BTBD10: variants seen among roughly 807,000 people sequenced by gnomAD.
BTBD10 encodes the protein BTB domain containing 10, also known as BTB/POZ domain-containing protein 10.
BTBD10 carries 21 observed loss-of-function variants against 53.2 expected under a neutral mutation model. The ratio of observed to expected loss-of-function variants is 0.39; its 90% CI spans 0.28 to 0.57. The LOEUF (loss-of-function observed/expected upper bound fraction) is 0.57. Ranked by LOEUF, BTBD10 falls within the 20% of genes least tolerant of loss-of-function variation. BTBD10 has a pLI of 0.53. For synonymous variants in BTBD10, 149 were observed against 192.7 expected, an observed-to-expected ratio of 0.77 and a Z score of 1.88; for missense variants, 360 against 594.7, an observed-to-expected ratio of 0.61 and a Z score of 4.10.
intron 6 of BTBD10, among the ~76,000 whole-genome samples, chr11:13,410,749 A>AT (rs931308324): frequency 6.6e-6 from 1 of 152,250 alleles, no homozygotes; most frequent in African/African-American, 2.4e-5. Flanking sequence ...CAGTAACTTT[A>AT]TTATAAGTTA....
chr11:13,400,216 ATTTG>A (rs1180529183), intron 8 of BTBD10, among the ~76,000 whole-genome samples: 1 of 152,176 alleles, frequency 6.6e-6, no homozygotes, highest in East Asian at 1.9e-4. Context: ...TTCCAGGCCG[ATTTG>A]TTTACCTACT....
At chr11:13,417,288 G>A (rs377624520) in intron 4 of BTBD10, 28 bp from the exon 5 acceptor site, 16 of 1,484,872 alleles carry the variant, frequency 1.1e-5, no homozygotes, top group African/African-American at 8.3e-5. Context: ...TGAGAAATAC[G>A]TCAATAGAAT....
chr11:13,427,134 T>C (rs574570690), intron 2 of BTBD10, among the ~76,000 whole-genome samples: 2 of 152,230 alleles, frequency 1.3e-5, no homozygotes, highest in Non-Finnish European at 2.9e-5. Flanking sequence ...GGAGGATCAC[T>C]TGAGCCTCGG....
intron 1 of BTBD10, among the ~76,000 whole-genome samples, chr11:13,447,970 T>C (rs913212344): frequency 4.6e-5 from 7 of 152,204 alleles, no homozygotes; most frequent in African/African-American, 1.7e-4. Context: ...AGCTAAGTTA[T>C]AACTGTAAAT....
chr11:13,427,346 A>C (rs2133986164), intron 2 of BTBD10, among the ~76,000 whole-genome samples: 1 of 152,346 alleles, frequency 6.6e-6, no homozygotes, highest in South Asian at 2.1e-4. Context: ...TGGCTATATT[A>C]ATATCAGACA....
At chr11:13,440,264 C>A (rs1565264323) in intron 2 of BTBD10, 1 of 1,221,526 alleles carries the variant, frequency 8.2e-7, no homozygotes, top group African/African-American at 1.6e-5. Context: ...ACGTTTCTAA[C>A]AAAACAGCAT....
chr11:13,423,107 T>C (rs1329579076), intron 2 of BTBD10, among the ~76,000 whole-genome samples: 1 of 152,110 alleles, frequency 6.6e-6, no homozygotes, highest in Non-Finnish European at 1.5e-5. Flanking sequence ...GTCCAGGCCC[T>C]GACAAATAGA....
At chr11:13,440,009 T>C in intron 2 of BTBD10, 1 of 1,534,414 alleles carries the variant, frequency 6.5e-7, no homozygotes, top group Non-Finnish European at 8.7e-7. Flanking sequence ...CCTTGGGCAT[T>C]ACTAGGAAAC....
chr11:13,413,405 C>A, intron 6 of BTBD10, 125 bp downstream of exon 6: 5 of 745,672 alleles, frequency 6.7e-6, no homozygotes, highest in Non-Finnish European at 5.8e-6. Context: ...CTTTGTGGTA[C>A]TAGAATGCTT....
intron 8 of BTBD10, among the ~76,000 whole-genome samples, chr11:13,390,986 C>T (rs1395775897): frequency 6.6e-6 from 1 of 152,206 alleles, no homozygotes; most frequent in Non-Finnish European, 1.5e-5. Flanking sequence ...TTCCCTTGTC[C>T]TTGATTCCTC....
At chr11:13,453,400 T>G (rs1950903456) in intron 1 of BTBD10, among the ~76,000 whole-genome samples, 1 of 152,198 alleles carries the variant, frequency 6.6e-6, no homozygotes. Flanking sequence ...TAGTTGCCTC[T>G]GAGAAAATGC....
At chr11:13,410,995 G>A (rs1036168192) in intron 6 of BTBD10, among the ~76,000 whole-genome samples, 2 of 152,080 alleles carry the variant, frequency 1.3e-5, no homozygotes, top group South Asian at 2.1e-4. Context: ...GTTTTTGAAC[G>A]TCTAGAATAG....
At chr11:13,412,262 T>C (rs1327414135) in intron 6 of BTBD10, among the ~76,000 whole-genome samples, 1 of 152,120 alleles carries the variant, frequency 6.6e-6, no homozygotes, top group Non-Finnish European at 1.5e-5. Context: ...AAGACCAACC[T>C]GGCCAACATA....
chr11:13,414,019 CA>C (rs1017915949), intron 5 of BTBD10, among the ~76,000 whole-genome samples: 1 of 152,106 alleles, frequency 6.6e-6, no homozygotes, highest in African/African-American at 2.4e-5. Flanking sequence ...AAGTTTTAAA[CA>C]TTTTTTTAAA....
At chr11:13,394,750 T>C (rs1949496578) in intron 8 of BTBD10, among the ~76,000 whole-genome samples, 1 of 147,928 alleles carries the variant, frequency 6.8e-6, no homozygotes, top group African/African-American at 2.5e-5. Context: ...TGTGTCCATG[T>C]GTTCTCATTG....
At chr11:13,438,316 T>C (rs1353745744) in intron 2 of BTBD10, among the ~76,000 whole-genome samples, 1 of 152,118 alleles carries the variant, frequency 6.6e-6, no homozygotes. Flanking sequence ...AAGGGTTCAC[T>C]GTGTAATCAC....
intron 5 of BTBD10, 66 bp from the exon 6 acceptor site, chr11:13,413,716 AAGGAAGGGCTGGT>A: frequency 6.9e-7 from 1 of 1,444,198 alleles, no homozygotes; most frequent in South Asian, 1.4e-5. Flanking sequence ...ACTTATTATT[AAGGAAGGGCTGGT>A]AACATTTTCA....
chr11:13,406,560 T>TGTGAGAGA (rs1483299112), intron 6 of BTBD10, among the ~76,000 whole-genome samples: 4 of 141,394 alleles, frequency 2.8e-5, no homozygotes, highest in African/African-American at 1.1e-4. Flanking sequence ...TACGCATGAG[T>TGTGAGAGA]GAGAGAGAGA....
At chr11:13,447,910 T>A (rs1296505642) in intron 1 of BTBD10, among the ~76,000 whole-genome samples, 1 of 152,180 alleles carries the variant, frequency 6.6e-6, no homozygotes, top group Non-Finnish European at 1.5e-5. Flanking sequence ...ACGTGTTTTA[T>A]GTTTGTGTAA....
Sources: allele counts gnomAD v4.1 joint callset (sites outside exome capture counted in the v4.1 genomes callset), GRCh38; gene constraint gnomAD v4.1.1; transcripts MANE v1.5; gene names NCBI Gene and HGNC (gene_info 2026-07-23, HGNC 2026-07-21).